Variants in ZNF423 observed in about 807,000 individuals in gnomAD.
ZNF423 encodes Ebf-associated zinc finger protein.
Under a neutral mutation model 95.8 loss-of-function variants are expected in ZNF423, and 12 were observed. The observed-to-expected ratio is 0.13, with a 90% CI of 0.08 to 0.20. ZNF423 has a LOEUF of 0.20. ZNF423 is among the 10% of genes least tolerant of loss of function. The probability of loss-of-function intolerance (pLI) is 1.00; values close to 1 mark genes in which losing one functional copy is unlikely to be tolerated. For synonymous variants in ZNF423, 749 were observed against 711.9 expected (o/e 1.05, Z -0.83); for missense variants, 1,316 against 1,737.1 (o/e 0.76, Z 4.31).
intron 3 of ZNF423, among the ~76,000 whole-genome samples, chr16:49,705,601 G>T (rs571053940): frequency 6.6e-6 from 1 of 152,328 alleles, no homozygotes; most frequent in Admixed American, 6.5e-5. Flanking sequence ...AGGCTAGAGT[G>T]CAGTGGTGCG....
intron 3 of ZNF423, among the ~76,000 whole-genome samples, chr16:49,691,715 G>C (rs2031789013): frequency 6.6e-6 from 1 of 151,374 alleles, no homozygotes; most frequent in Non-Finnish European, 1.5e-5. Context: ...CTGGGCAACA[G>C]AGCGAGACTC....
chr16:49,763,840 G>A (rs1242161464), intron 2 of ZNF423, among the ~76,000 whole-genome samples: 1 of 152,174 alleles, frequency 6.6e-6, no homozygotes, highest in Non-Finnish European at 1.5e-5. Flanking sequence ...GAAGACCACA[G>A]ATCAGATCAG....
chr16:49,547,322 G>A (rs1292616897), intron 5 of ZNF423, among the ~76,000 whole-genome samples: 1 of 152,096 alleles, frequency 6.6e-6, no homozygotes, highest in Non-Finnish European at 1.5e-5. Context: ...TTAGCCACAA[G>A]GCTTCACCCA....
intron 3 of ZNF423, among the ~76,000 whole-genome samples, chr16:49,691,304 A>G (rs567438575): frequency 1.3e-5 from 2 of 152,358 alleles, no homozygotes; most frequent in East Asian, 1.9e-4. Flanking sequence ...GGGATGGTAC[A>G]ACTTGGTGAC....
intron 3 of ZNF423, among the ~76,000 whole-genome samples, chr16:49,706,161 C>T (rs1251328691): frequency 6.6e-6 from 1 of 152,108 alleles, no homozygotes; most frequent in Non-Finnish European, 1.5e-5. Context: ...AATGGCCACC[C>T]TAGGAAAAAA....
chr16:49,612,994 TA>T (rs535982616), intron 5 of ZNF423, among the ~76,000 whole-genome samples: 7,160 of 138,504 alleles, frequency 0.052, 183 homozygotes, highest in African/African-American at 0.072. Flanking sequence ...TTGAAAACTT[TA>T]AAAAAAAAAA....
At chr16:49,625,751 C>A (rs1972238708) in intron 5 of ZNF423, among the ~76,000 whole-genome samples, 1 of 152,240 alleles carries the variant, frequency 6.6e-6, no homozygotes, top group Non-Finnish European at 1.5e-5. Flanking sequence ...GGGAAAAGTA[C>A]TGAAATAACT....
chr16:49,553,437 C>T (rs186098543), intron 5 of ZNF423, among the ~76,000 whole-genome samples: 19 of 150,934 alleles, frequency 1.3e-4, no homozygotes, highest in Admixed American at 1.3e-3. Context: ...GCTTTGAAAT[C>T]CTGGGTTCAA....
At chr16:49,564,374 G>C (rs1312804188) in intron 5 of ZNF423, among the ~76,000 whole-genome samples, 1 of 152,148 alleles carries the variant, frequency 6.6e-6, no homozygotes. Context: ...AAGGATGGGG[G>C]TGTGCTAGAT....
chr16:49,587,326 G>C (rs960739896), intron 5 of ZNF423, among the ~76,000 whole-genome samples: 1 of 152,204 alleles, frequency 6.6e-6, no homozygotes, highest in South Asian at 2.1e-4. Context: ...TGCATTTGGC[G>C]AATGTTCGAG....
chr16:49,508,214 TTC>T (rs1238062014), intron 7 of ZNF423, among the ~76,000 whole-genome samples: 4 of 152,164 alleles, frequency 2.6e-5, no homozygotes, highest in African/African-American at 9.7e-5. Context: ...ATGATGGAAA[TTC>T]TCTGTTTTAA....
At chr16:49,491,346 T>A in intron 7 of ZNF423, 42 bp from the exon 8 acceptor site, 1 of 1,612,836 alleles carries the variant, frequency 6.2e-7, no homozygotes, top group East Asian at 2.2e-5. Flanking sequence ...AGGAGAAGAA[T>A]GGAGAGCATG....
chr16:49,850,428 T>C (rs2035290509), intron 1 of ZNF423, among the ~76,000 whole-genome samples: 1 of 152,240 alleles, frequency 6.6e-6, no homozygotes, highest in Non-Finnish European at 1.5e-5. Context: ...GGGGTTTTCC[T>C]GGCTACCCAA....
chr16:49,822,857 C>G, intron 1 of ZNF423: 3 of 679,438 alleles, frequency 4.4e-6, no homozygotes, highest in Non-Finnish European at 7.0e-6. Flanking sequence ...GACTACTTAA[C>G]GACTTGCCCA....
intron 1 of ZNF423, among the ~76,000 whole-genome samples, chr16:49,841,547 G>C (rs545449337): frequency 6.6e-6 from 1 of 152,288 alleles, no homozygotes; most frequent in East Asian, 1.9e-4. Flanking sequence ...AGCTACTCTT[G>C]GTGTTGTGAT....
chr16:49,810,946 G>A (rs1384790366), intron 1 of ZNF423, among the ~76,000 whole-genome samples: 2 of 152,158 alleles, frequency 1.3e-5, no homozygotes, highest in Non-Finnish European at 2.9e-5. Flanking sequence ...TGTGGCTAAG[G>A]AGGGGCATCA....
intron 5 of ZNF423, among the ~76,000 whole-genome samples, chr16:49,614,451 T>C (rs1971813096): frequency 6.6e-6 from 1 of 152,066 alleles, no homozygotes; most frequent in African/African-American, 2.4e-5. Context: ...CTTGGGAATT[T>C]ACCCCCAAAA....
chr16:49,493,030 C>T (rs568374934), intron 7 of ZNF423, among the ~76,000 whole-genome samples: 237 of 152,226 alleles, frequency 1.6e-3, no homozygotes, highest in African/African-American at 5.6e-3. Context: ...CGGTCGGGGG[C>T]GTCAGGGACC....
At chr16:49,742,301 G>T (rs1344825787) in intron 2 of ZNF423, among the ~76,000 whole-genome samples, 9 of 152,244 alleles carry the variant, frequency 5.9e-5, no homozygotes, top group African/African-American at 1.9e-4. Context: ...AGTGGGTCAG[G>T]AATGAGTGGA....
Sources: gnomAD v4.1 joint callset for allele counts (sites outside exome capture counted in the v4.1 genomes callset) on GRCh38, gnomAD v4.1.1 for gene constraint, MANE v1.5 for transcripts, NCBI Gene and HGNC (gene_info 2026-07-23, HGNC 2026-07-21) for gene names.